Variants in LPAR3 observed in about 807,000 individuals in gnomAD.
LPAR3 encodes the protein LPA receptor 3.
A neutral mutation model predicts 17.8 loss-of-function variants in LPAR3; 7 were observed. The observed-to-expected ratio is 0.39, with a 90% CI of 0.22 to 0.74. The LOEUF is 0.74. LPAR3 is among the 30% of genes least tolerant of loss of function. The pLI, the probability that LPAR3 is intolerant of heterozygous loss-of-function variation, is 0.40. For synonymous variants in LPAR3, 179 were observed against 179.9 expected (o/e 0.99, Z 0.04); for missense variants, 391 against 453.4 (o/e 0.86, Z 1.25).
chr1:84,878,880 T>C (rs1313332666), intron 1 of LPAR3, among the ~76,000 whole-genome samples: 1 of 152,202 alleles, frequency 6.6e-6, no homozygotes, highest in Non-Finnish European at 1.5e-5. Flanking sequence ...CAGGGTAGAC[T>C]GCTGAAGCCA....
chr1:84,881,158 G>C (rs1660358420), intron 1 of LPAR3, among the ~76,000 whole-genome samples: 1 of 152,102 alleles, frequency 6.6e-6, no homozygotes, highest in Non-Finnish European at 1.5e-5. Context: ...GACCTGTGGA[G>C]TTCTGGGGTC....
intron 2 of LPAR3, among the ~76,000 whole-genome samples, chr1:84,847,951 A>G (rs960189923): frequency 6.6e-6 from 1 of 152,164 alleles, no homozygotes; most frequent in South Asian, 2.1e-4. Context: ...GCTCCTGGGC[A>G]CTATTCTAGG....
intron 1 of LPAR3, among the ~76,000 whole-genome samples, chr1:84,874,570 TAAATA>T (rs1456448034): frequency 6.6e-6 from 1 of 152,192 alleles, no homozygotes; most frequent in South Asian, 2.1e-4. Flanking sequence ...AGAATTGAAC[TAAATA>T]AAAGAGGTGA....
chr1:84,878,782 C>T (rs559782835), intron 1 of LPAR3, among the ~76,000 whole-genome samples: 1 of 152,264 alleles, frequency 6.6e-6, no homozygotes, highest in African/African-American at 2.4e-5. Flanking sequence ...GGCAAGTTGG[C>T]AGGATGGTTT....
At chr1:84,878,163 A>C (rs1170577469) in intron 1 of LPAR3, among the ~76,000 whole-genome samples, 1 of 152,210 alleles carries the variant, frequency 6.6e-6, no homozygotes, top group Admixed American at 6.5e-5. Context: ...CACAAACAGA[A>C]TCTGACATAA....
intron 1 of LPAR3, among the ~76,000 whole-genome samples, chr1:84,885,982 T>G (rs1660452234): frequency 6.6e-6 from 1 of 152,190 alleles, no homozygotes; most frequent in South Asian, 2.1e-4. Flanking sequence ...ATAGAAAAAT[T>G]TATAAATGTG....
chr1:84,847,421 T>C (rs1037423158), intron 2 of LPAR3, among the ~76,000 whole-genome samples: 7 of 152,204 alleles, frequency 4.6e-5, no homozygotes, highest in African/African-American at 9.6e-5. Flanking sequence ...CCTGGTGATG[T>C]TGACACAAAG....
At chr1:84,819,117 C>G (rs1659000179) in intron 2 of LPAR3, among the ~76,000 whole-genome samples, 1 of 152,162 alleles carries the variant, frequency 6.6e-6, no homozygotes, top group Non-Finnish European at 1.5e-5. Flanking sequence ...GACCTTGGAA[C>G]ACTCCCACCT....
chr1:84,824,246 C>T (rs1028587120), intron 2 of LPAR3, among the ~76,000 whole-genome samples: 4 of 152,090 alleles, frequency 2.6e-5, no homozygotes, highest in African/African-American at 7.2e-5. Flanking sequence ...ACTGGGGTAG[C>T]GGTTGAAACC....
intron 1 of LPAR3, among the ~76,000 whole-genome samples, chr1:84,880,155 C>T (rs978325474): frequency 3.9e-5 from 6 of 151,936 alleles, no homozygotes; most frequent in African/African-American, 1.5e-4. Flanking sequence ...CATGGAGAAA[C>T]CCCATCTCTA....
At chr1:84,841,533 T>C (rs1205209208) in intron 2 of LPAR3, among the ~76,000 whole-genome samples, 1 of 152,224 alleles carries the variant, frequency 6.6e-6, no homozygotes, top group Non-Finnish European at 1.5e-5. Context: ...TACAACTTCA[T>C]GTTTTGAGAT....
intron 2 of LPAR3, among the ~76,000 whole-genome samples, chr1:84,847,081 C>G (rs1172251885): frequency 6.6e-6 from 1 of 152,144 alleles, no homozygotes; most frequent in Admixed American, 6.5e-5. Context: ...TCTGACCCAC[C>G]ATCTTCTTTG....
chr1:84,859,464 T>C (rs986428033), intron 2 of LPAR3, among the ~76,000 whole-genome samples: 2 of 152,224 alleles, frequency 1.3e-5, no homozygotes, highest in African/African-American at 4.8e-5. Context: ...AAGAGTTCAG[T>C]GCTTTCTGGC....
chr1:84,830,892 A>G, intron 2 of LPAR3, among the ~76,000 whole-genome samples: 1 of 152,120 alleles, frequency 6.6e-6, no homozygotes, highest in East Asian at 1.9e-4. Context: ...CAGGAGACCC[A>G]CTTTATGGAT....
intron 1 of LPAR3, among the ~76,000 whole-genome samples, chr1:84,866,628 G>T (rs761157856): frequency 6.6e-6 from 1 of 152,122 alleles, no homozygotes; most frequent in Non-Finnish European, 1.5e-5. Context: ...ATTAATCAAC[G>T]GCAGGTTGGT....
intron 2 of LPAR3, among the ~76,000 whole-genome samples, chr1:84,863,049 T>C (rs1213531508): frequency 1.3e-5 from 2 of 151,496 alleles, no homozygotes; most frequent in African/African-American, 4.8e-5. Flanking sequence ...GCTCACAACC[T>C]TTCTCTCCTC....
At chr1:84,863,061 C>CTT (rs75480062) in intron 2 of LPAR3, among the ~76,000 whole-genome samples, 8 of 143,302 alleles carry the variant, frequency 5.6e-5, no homozygotes, top group African/African-American at 2.0e-4. Flanking sequence ...TCTCTCCTCC[C>CTT]TTTTTTTTTT....
chr1:84,873,776 G>A (rs1327897175), intron 1 of LPAR3, among the ~76,000 whole-genome samples: 16 of 147,586 alleles, frequency 1.1e-4, no homozygotes, highest in Non-Finnish European at 1.9e-4. Context: ...TTTTTGAGAC[G>A]AGTCTCTGCT....
At position 84,851,021 on chromosome 1, in the gene LPAR3, CCTTTACCACAA is replaced by C. The variant is rs545932081; in HGVS notation, c.736+14353_736+14363del. ...AGGGTATGCCCTGGGGCAGGGGGAG[CCTTTACCACAA>C]CTTGATATATGACCTGGGGCAGGTT... On this transcript the variant is annotated intron_variant, in intron 2 of 2. Coordinates refer to ENST00000370611, the MANE Select transcript of LPAR3 (RefSeq NM_012152.3). 1.3e-3 allele frequency among the ~76,000 whole-genome samples: 196 copies of C among 152,292 alleles called. 2 individuals carry two copies. The highest frequency in any genetic ancestry group is 2.3e-3 in the Non-Finnish European group (159 of 68,014).
Sources: gnomAD v4.1 joint callset for allele counts (sites outside exome capture counted in the v4.1 genomes callset) on GRCh38, gnomAD v4.1.1 for gene constraint, MANE v1.5 for transcripts, NCBI Gene and HGNC (gene_info 2026-07-23, HGNC 2026-07-21) for gene names.